The following TAB2 variants were observed in gnomAD, a reference collection of about 807,000 sequenced individuals.
The protein encoded by TAB2 is TGF-beta-activated kinase 1 and MAP3K7-binding protein 2.
In TAB2, 3 loss-of-function variants were observed where a neutral mutation model predicts 65.0. That is an observed-to-expected ratio of 0.05 (90% confidence interval 0.02 to 0.12). TAB2 has a LOEUF of 0.12. Ranked by LOEUF, TAB2 falls within the 10% of genes least tolerant of loss-of-function variation. The probability of loss-of-function intolerance (pLI) is 1.00; values close to 1 mark genes in which losing one functional copy is unlikely to be tolerated. For synonymous variants in TAB2, 298 were observed against 285.1 expected (o/e 1.05, Z -0.46); for missense variants, 623 against 840.3 (o/e 0.74, Z 3.20).
chr6:149,298,535 G>A (rs1778917369), intron 1 of TAB2, among the ~76,000 whole-genome samples: 1 of 152,116 alleles, frequency 6.6e-6, no homozygotes, highest in Non-Finnish European at 1.5e-5. Flanking sequence ...GGCTGAGGTG[G>A]GAGACTTGCT....
At chr6:149,361,493 G>T (rs548457128) in intron 1 of TAB2, among the ~76,000 whole-genome samples, 1 of 152,334 alleles carries the variant, frequency 6.6e-6, no homozygotes, top group East Asian at 1.9e-4. Context: ...CTGGCCACCT[G>T]AACCATTATT....
chr6:149,382,920 G>A (rs868310675), intron 3 of TAB2, among the ~76,000 whole-genome samples: 10 of 152,318 alleles, frequency 6.6e-5, no homozygotes, highest in Middle Eastern at 6.8e-3. Context: ...TTGGAAGACC[G>A]AGGCGGGTGG....
chr6:149,326,852 T>G (rs1779636302), intron 1 of TAB2, among the ~76,000 whole-genome samples: 1 of 152,218 alleles, frequency 6.6e-6, no homozygotes, highest in African/African-American at 2.4e-5. Flanking sequence ...AAAGTCAACA[T>G]GTAGAGTGAA....
At chr6:149,256,610 C>T (rs1025914705) in intron 1 of TAB2, among the ~76,000 whole-genome samples, 2 of 152,238 alleles carry the variant, frequency 1.3e-5, no homozygotes, top group East Asian at 3.9e-4. Context: ...CATTTGCCTT[C>T]TTTTTAATAT....
At chr6:149,407,418 T>C (rs1220419777) in intron 6 of TAB2, among the ~76,000 whole-genome samples, 1 of 152,206 alleles carries the variant, frequency 6.6e-6, no homozygotes, top group Non-Finnish European at 1.5e-5. Context: ...TGACAGTTGT[T>C]GAAGTGGGAT....
At chr6:149,240,567 A>G (rs1029234551) in intron 1 of TAB2, among the ~76,000 whole-genome samples, 1 of 152,088 alleles carries the variant, frequency 6.6e-6, no homozygotes, top group Non-Finnish European at 1.5e-5. Context: ...CATCATCATC[A>G]TCATTATAAA....
At chr6:149,261,608 G>A (rs1176862747) in intron 1 of TAB2, among the ~76,000 whole-genome samples, 2 of 152,084 alleles carry the variant, frequency 1.3e-5, no homozygotes, top group Admixed American at 6.5e-5. Context: ...AAAATCCCAC[G>A]GTGTACTGAC....
chr6:149,287,886 T>C (rs1340671693), intron 1 of TAB2, among the ~76,000 whole-genome samples: 2 of 152,190 alleles, frequency 1.3e-5, no homozygotes, highest in Non-Finnish European at 2.9e-5. Context: ...TTAATCTCAA[T>C]ATGGCAAAGC....
chr6:149,331,818 T>C (rs1779794116), intron 1 of TAB2, among the ~76,000 whole-genome samples: 2 of 152,208 alleles, frequency 1.3e-5, no homozygotes, highest in Non-Finnish European at 2.9e-5. Flanking sequence ...AGCTGGTAGC[T>C]AGTGGTTACT....
At chr6:149,396,864 A>G (rs1196090627) in intron 3 of TAB2, among the ~76,000 whole-genome samples, 1 of 152,244 alleles carries the variant, frequency 6.6e-6, no homozygotes, top group African/African-American at 2.4e-5. Context: ...ATACATCAAA[A>G]TGGATTCTAC....
intron 1 of TAB2, among the ~76,000 whole-genome samples, chr6:149,223,403 C>T (rs748567141): frequency 2.6e-4 from 40 of 152,330 alleles, no homozygotes; most frequent in South Asian, 6.2e-4. Flanking sequence ...ACTCGTCCAG[C>T]TCTGACATGA....
chr6:149,224,801 T>A (rs1777233069), intron 1 of TAB2, among the ~76,000 whole-genome samples: 1 of 152,210 alleles, frequency 6.6e-6, no homozygotes, highest in African/African-American at 2.4e-5. Context: ...TACATACCTT[T>A]ATGTTGGAGT....
chr6:149,283,870 A>G (rs1778622376), intron 1 of TAB2, among the ~76,000 whole-genome samples: 1 of 152,168 alleles, frequency 6.6e-6, no homozygotes, highest in Non-Finnish European at 1.5e-5. Context: ...AACATTTTTA[A>G]AGTATAATAA....
intron 1 of TAB2, among the ~76,000 whole-genome samples, chr6:149,337,906 A>G (rs1402198461): frequency 6.6e-6 from 1 of 152,154 alleles, no homozygotes; most frequent in Admixed American, 6.5e-5. Flanking sequence ...TATTGGAAAG[A>G]AAAAATAATA....
chr6:149,348,750 G>C (rs897469958), intron 1 of TAB2, among the ~76,000 whole-genome samples: 1 of 151,830 alleles, frequency 6.6e-6, no homozygotes, highest in African/African-American at 2.4e-5. Context: ...GATCACCTGA[G>C]GTCAGGAGTT....
At chr6:149,322,432 G>A (rs2114730779) in intron 1 of TAB2, among the ~76,000 whole-genome samples, 1 of 152,144 alleles carries the variant, frequency 6.6e-6, no homozygotes, top group South Asian at 2.1e-4. Context: ...GAACACAATT[G>A]TATTTATACT....
intron 1 of TAB2, among the ~76,000 whole-genome samples, chr6:149,299,476 G>A (rs1778933680): frequency 6.6e-6 from 1 of 152,218 alleles, no homozygotes; most frequent in Admixed American, 6.5e-5. Flanking sequence ...GGACGCTGAG[G>A]CAAGAGAATC....
intron 3 of TAB2, among the ~76,000 whole-genome samples, chr6:149,392,025 C>T (rs1469936804): frequency 6.6e-6 from 1 of 152,008 alleles, no homozygotes; most frequent in African/African-American, 2.4e-5. Context: ...TGATATTAAT[C>T]AGAATTTAAG....
At chr6:149,335,072 T>C (rs984706395) in intron 1 of TAB2, among the ~76,000 whole-genome samples, 6 of 152,006 alleles carry the variant, frequency 3.9e-5, no homozygotes, top group African/African-American at 1.4e-4. Flanking sequence ...GCTATTAGTC[T>C]AAGAACTTCC....
Sources: allele counts gnomAD v4.1 joint callset (sites outside exome capture counted in the v4.1 genomes callset), GRCh38; gene constraint gnomAD v4.1.1; transcripts MANE v1.5; gene names NCBI Gene and HGNC (gene_info 2026-07-23, HGNC 2026-07-21).